The following ZBTB20 variants were observed in gnomAD, a reference collection of about 807,000 sequenced individuals.
The protein encoded by ZBTB20 is zinc finger and BTB domain containing 20, also known as zinc finger and BTB domain-containing protein 20.
Under a neutral mutation model 56.9 loss-of-function variants are expected in ZBTB20, and 9 were observed. The observed-to-expected ratio is 0.16, with a 90% CI of 0.10 to 0.28. ZBTB20 has a LOEUF of 0.28. Ranked by LOEUF, ZBTB20 falls within the 10% of genes least tolerant of loss-of-function variation. The pLI, the probability that ZBTB20 is intolerant of heterozygous loss-of-function variation, is 1.00. For synonymous variants in ZBTB20, 417 were observed against 420.7 expected, an observed-to-expected ratio of 0.99 and a Z score of 0.11; for missense variants, 655 against 1,003.0, an observed-to-expected ratio of 0.65 and a Z score of 4.69.
intron 4 of ZBTB20, among the ~76,000 whole-genome samples, chr3:114,856,222 C>T (rs1010358774): frequency 1.2e-4 from 18 of 152,156 alleles, no homozygotes; most frequent in African/African-American, 4.1e-4. Context: ...TGGTCCTTTA[C>T]CACCTACAAA....
chr3:114,831,865 T>A (rs1421028896), intron 4 of ZBTB20, among the ~76,000 whole-genome samples: 10 of 152,068 alleles, frequency 6.6e-5, no homozygotes, highest in Admixed American at 6.6e-4. Context: ...TACCTCTGCC[T>A]CTAAAATGAT....
chr3:114,864,571 A>G (rs1232424668), intron 4 of ZBTB20, among the ~76,000 whole-genome samples: 5 of 152,186 alleles, frequency 3.3e-5, no homozygotes, highest in Admixed American at 2.6e-4. Context: ...AGCAAAGAGG[A>G]CATTTCCATC....
At chr3:115,000,131 C>T (rs2079190112) in intron 2 of ZBTB20, among the ~76,000 whole-genome samples, 2 of 151,348 alleles carry the variant, frequency 1.3e-5, no homozygotes, top group South Asian at 4.1e-4. Flanking sequence ...TAATATTTAA[C>T]TTTGAAGGCA....
intron 3 of ZBTB20, among the ~76,000 whole-genome samples, chr3:114,974,048 G>A (rs1254116419): frequency 5.5e-5 from 8 of 145,628 alleles, no homozygotes; most frequent in Admixed American, 4.1e-4. Flanking sequence ...TTAAAATCAT[G>A]AGTTCCAAAC....
rs1030157909 is a variant in ZBTB20, at chr3:114,325,107, T to A, written c.*13898A>T. On this transcript the variant is annotated 3_prime_UTR_variant, in exon 12 of 12. Transcript: ENST00000675478. ...CTGCTTTCATCTACTCTGAAAACCA[T>A]AATTCTTTCAACAATAGTGTAGGAA... 2.0e-5 allele frequency: 3 copies of A among 152,176 alleles called. No homozygotes were observed. Among genetic ancestry groups the A allele is most frequent in the African/African-American group, 7.2e-5 (3 of 41,448 alleles). 9.4% of individuals were successfully genotyped at this position (152,176 alleles called of 1,614,324 possible). A position where few individuals can be genotyped will look rare whatever the true frequency, so the allele number is the denominator to read the frequency against.
At chr3:114,925,671 C>T (rs1340769528) in intron 3 of ZBTB20, among the ~76,000 whole-genome samples, 5 of 151,900 alleles carry the variant, frequency 3.3e-5, no homozygotes, top group Non-Finnish European at 7.4e-5. Context: ...GGACTACAGG[C>T]GCCCGCCACC....
chr3:115,006,469 A>G (rs891023187), intron 2 of ZBTB20, among the ~76,000 whole-genome samples: 1 of 151,396 alleles, frequency 6.6e-6, no homozygotes, highest in African/African-American at 2.4e-5. Context: ...GGATATATAT[A>G]TATATATATA....
At chr3:114,601,874 T>A (rs543705543) in intron 6 of ZBTB20, among the ~76,000 whole-genome samples, 5 of 151,968 alleles carry the variant, frequency 3.3e-5, no homozygotes, top group Non-Finnish European at 7.4e-5. Context: ...TAGGGTTAGA[T>A]CACATGAGAG....
At chr3:114,970,624 A>C (rs1251604199) in intron 3 of ZBTB20, among the ~76,000 whole-genome samples, 1 of 152,326 alleles carries the variant, frequency 6.6e-6, no homozygotes, top group East Asian at 1.9e-4. Context: ...CTGGTACGTA[A>C]GTTATGCATT....
chr3:115,053,229 C>G (rs1275428933), intron 2 of ZBTB20, among the ~76,000 whole-genome samples: 1 of 152,228 alleles, frequency 6.6e-6, no homozygotes, highest in African/African-American at 2.4e-5. Flanking sequence ...ACATTGGAGA[C>G]TATAAATCTT....
intron 10 of ZBTB20, 50 bp downstream of exon 10, chr3:114,380,167 G>C: frequency 1.4e-6 from 2 of 1,460,264 alleles, no homozygotes; most frequent in Non-Finnish European, 9.0e-7. Flanking sequence ...CAGGGTAGAA[G>C]CACTACTCCA....
intron 6 of ZBTB20, among the ~76,000 whole-genome samples, chr3:114,569,327 T>C (rs2053157088): frequency 1.3e-5 from 2 of 152,170 alleles, no homozygotes; most frequent in African/African-American, 4.8e-5. Context: ...ACAGGAAGTT[T>C]GGGGTCACAA....
chr3:114,452,949 AATGCATTAAGAG>A (rs762152144), intron 7 of ZBTB20, among the ~76,000 whole-genome samples: 7 of 78,856 alleles, frequency 8.9e-5, no homozygotes, highest in Non-Finnish European at 3.2e-4. Context: ...TCAACATATA[AATGCATTAAGAG>A]GAGAACTTTA....
intron 5 of ZBTB20, chr3:114,791,928 A>G (rs1281458049): frequency 6.6e-6 from 1 of 152,186 alleles, no homozygotes; most frequent in Admixed American, 6.5e-5. Flanking sequence ...TCAGCTCAGC[A>G]TGGCTTCCTC....
chr3:114,621,538 TA>T (rs986705198), intron 6 of ZBTB20, among the ~76,000 whole-genome samples: 5 of 152,190 alleles, frequency 3.3e-5, no homozygotes, highest in Non-Finnish European at 7.4e-5. Context: ...ACATAAATAC[TA>T]AAAACCACTT....
chr3:114,886,281 T>C (rs1465336369), intron 4 of ZBTB20, among the ~76,000 whole-genome samples: 2 of 152,238 alleles, frequency 1.3e-5, no homozygotes, highest in African/African-American at 4.8e-5. Flanking sequence ...GCTCTTTTAA[T>C]CTAGACCTGG....
At position 114,578,105 on chromosome 3, in the gene ZBTB20, G is replaced by T. The variant is rs919264379; in HGVS notation, c.-294-77714C>A. 7.9e-5 allele frequency among the ~76,000 whole-genome samples: 12 copies of T among 151,802 alleles called. No homozygotes were observed. The South Asian group carries it at 2.5e-3, about 32-fold the overall frequency. Reference sequence around the variant, plus strand: ...AAAGAACAAGAAATGATTAAAGATAGAAATAAAATAAGAATAGGTGAATAA... The same window carrying T: ...AAAGAACAAGAAATGATTAAAGATATAAATAAAATAAGAATAGGTGAATAA... On this transcript the variant is annotated intron_variant, in intron 6 of 11. Coordinates refer to ENST00000675478, the MANE Select transcript of ZBTB20 (RefSeq NM_001348800.3).
intron 2 of ZBTB20, among the ~76,000 whole-genome samples, chr3:115,015,133 T>C (rs2079892914): frequency 6.6e-6 from 1 of 151,802 alleles, no homozygotes; most frequent in Non-Finnish European, 1.5e-5. Flanking sequence ...TCATTGCTTA[T>C]CATTTTAATG....
chr3:114,858,473 T>C (rs759914999), intron 4 of ZBTB20, among the ~76,000 whole-genome samples: 2 of 152,152 alleles, frequency 1.3e-5, no homozygotes, highest in African/African-American at 2.4e-5. Flanking sequence ...ATTTTCTCTT[T>C]ACATAGTGCA....
Sources: allele counts gnomAD v4.1 joint callset (sites outside exome capture counted in the v4.1 genomes callset), GRCh38; gene constraint gnomAD v4.1.1; transcripts MANE v1.5; gene names NCBI Gene and HGNC (gene_info 2026-07-23, HGNC 2026-07-21).